TTN: variants seen among roughly 807,000 people sequenced by gnomAD.
TTN encodes connectin.
Under a neutral mutation model 3,223.0 loss-of-function variants are expected in TTN, and 1,525 were observed. The ratio of observed to expected loss-of-function variants is 0.47; its 90% CI spans 0.45 to 0.49. The LOEUF (loss-of-function observed/expected upper bound fraction) is 0.49. Ranked by LOEUF, TTN falls within the 20% of genes least tolerant of loss-of-function variation. The pLI is 0.00. For missense variants in TTN, 40,786 were observed against 43,424.0 expected (o/e 0.94, Z 5.40); for synonymous variants, 14,094 against 15,161.0 (o/e 0.93, Z 5.17).
At chr2:178,710,976 G>C in intron 97 of TTN, 54 bp from the exon 98 acceptor site, 4 of 1,557,492 alleles carry the variant, frequency 2.6e-6, no homozygotes, top group Admixed American at 2.0e-5. Context: ...GACCATGTCA[G>C]TTTACTGAAA....
Position 178,568,071 on chromosome 2 carries a change from G to T in TTN, c.78061C>A (p.Pro26021Thr). The T allele has an allele frequency of 6.2e-7, 1 of 1,613,268 alleles. No individual in the cohort carries two copies. The highest frequency in any genetic ancestry group is 8.5e-7 in the Non-Finnish European group (1 of 1,179,564). Residue 26021 changes from proline to threonine, a missense_variant, in exon 326 of 363, where the codon CCC becomes ACC. Physicochemically the swap from Pro to Thr is conservative, Grantham distance 38. Transcript: ENST00000589042. ...CTCTCCAGGTGGTAACCTATGACGGGGCTTCCACCATTGTTGACTGGTTCA... is the reference window on the plus strand; with the variant it reads ...CTCTCCAGGTGGTAACCTATGACGGTGCTTCCACCATTGTTGACTGGTTCA... ...WHEPVNNGGS[P>T]VIGYHLERKE... is the part of the protein sequence containing the mutation.
In TTN at chr2:178,620,251, A is replaced by AATT. The variant is rs2058067928; in HGVS notation, c.46269_46270insAAT (p.Trp15423_Tyr15424insAsn). ...TCTTTGATTTCTCTCCCATTTCTGT[A>AATT]CCATTTTACATTGGCTTTCTCTCTG... is the stretch of plus-strand genomic sequence containing the variant. On this transcript the variant is annotated inframe_insertion, in exon 248 of 363. Transcript: ENST00000589042. 1 of 1,540,186 alleles carries AATT rather than the reference A, an allele frequency of 6.5e-7. No homozygotes were observed. The highest frequency in any genetic ancestry group is 8.7e-7 in the Non-Finnish European group (1 of 1,147,586).
Position 178,774,513 on chromosome 2 carries a change from G to A in TTN, c.6791-40C>T, listed in dbSNP as rs770694473. 2.2e-5 allele frequency: 35 copies of A among 1,595,248 alleles called. No homozygotes were observed. In the East Asian group the frequency reaches 7.4e-4, roughly 34 times the overall value. On this transcript the variant is annotated intron_variant, in intron 29 of 362. Transcript: ENST00000589042. ...AGAAAGATAAATCAATTTTTTTGGAGAGGTATGCATCTAGACTTAGGATAG... is the reference window on the plus strand; with the variant it reads ...AGAAAGATAAATCAATTTTTTTGGAAAGGTATGCATCTAGACTTAGGATAG...
At position 178,591,328 on chromosome 2, in the gene TTN, A is replaced by G. The variant is rs769272954; in HGVS notation, c.60397T>C (p.Ser20133Pro). The change falls in exon 304 of 363, where the codon TCA becomes CCA. Residue 20133 changes from serine (S) to proline (P), a missense_variant. By Grantham distance (74) the Ser-to-Pro change is moderately conservative (BLOSUM62 -1). Coordinates refer to ENST00000589042, the MANE Select transcript of TTN (RefSeq NM_001267550.2). ...EHYTVETDNF[S>P]SVLTIKNCLR... Reference sequence around the variant, plus strand: ...CAGTTCTTAATGGTAAGTACTGATGAGAAGTTGTCTGTTTCAACTGTGTAG... The same window carrying G: ...CAGTTCTTAATGGTAAGTACTGATGGGAAGTTGTCTGTTTCAACTGTGTAG... 1 of 1,613,338 alleles carries G rather than the reference A, an allele frequency of 6.2e-7. No individual in the cohort carries two copies. Among genetic ancestry groups the G allele is most frequent in the African/African-American group, 1.3e-5 (1 of 75,006 alleles).
intron 110 of TTN, 107 bp from the exon 111 acceptor site, chr2:178,701,310 A>G: frequency 8.9e-7 from 1 of 1,125,124 alleles, no homozygotes; most frequent in Non-Finnish European, 1.3e-6. Flanking sequence ...GTATTATAGT[A>G]CGAATTCATC....
chr2:178,619,888 C>G lies in TTN; in HGVS notation c.46430-1G>C. ...GGCCTGATGATCTCAACAGGAATTT[C>G]TGGAAAGAAAATGTGAAATAAATAC... On this transcript the variant is annotated splice_acceptor_variant, in intron 249 of 362. Coordinates refer to ENST00000589042, the MANE Select transcript of TTN (RefSeq NM_001267550.2). LOFTEE classifies it high-confidence loss of function. 2 of 1,605,124 alleles carry G rather than the reference C, an allele frequency of 1.2e-6. No individual in the cohort carries two copies. The highest frequency in any genetic ancestry group is 1.7e-6 in the Non-Finnish European group (2 of 1,177,340).
chr2:178,577,603 G>A lies in TTN; in HGVS notation c.68823C>T (p.Tyr22941=), dbSNP rs200717463. 148 of 1,602,660 alleles carry A rather than the reference G, an allele frequency of 9.2e-5. No individual in the cohort carries two copies. Among genetic ancestry groups the A allele is most frequent in the Admixed American group, 3.1e-4 (18 of 58,786 alleles). ...ACATAAAAAGTAAAATGGACCTACC[G>A]TATTCATCCTTGCAAATAATGGTTT... ...STETIICKDE[Y]EAPTIVLDPT... The change falls in exon 323 of 363, where the codon TAC becomes TAT. Residue 22941 remains tyrosine (Y), a splice_region_variant and synonymous_variant. Transcript: ENST00000589042.
rs748522098 is a variant in TTN, at chr2:178,582,604, A to C, written c.65864-12T>G. ...AGGACCCGGTTTATCTGAAGGAATA[A>C]GGAAGAAGAGTGAATATGTGGAATG... On this transcript the variant is annotated splice_polypyrimidine_tract_variant and intron_variant, in intron 313 of 362. Coordinates refer to ENST00000589042, the MANE Select transcript of TTN (RefSeq NM_001267550.2). The C allele has an allele frequency of 6.3e-7, 1 of 1,590,176 alleles. No homozygotes were observed. The highest frequency in any genetic ancestry group is 8.6e-7 in the Non-Finnish European group (1 of 1,167,016).
At chr2:178,778,413 AAACAAAAC>A in intron 24 of TTN, 1 of 248,664 alleles carries the variant, frequency 4.0e-6, no homozygotes, top group Non-Finnish European at 7.8e-6. Flanking sequence ...ATGAATTTGG[AAACAAAAC>A]AAAGCAAAAC....
At position 178,735,662 on chromosome 2, in the gene TTN, G is replaced by A. The variant is rs373875040; in HGVS notation, c.14784C>T (p.Leu4928=). The change falls in exon 50 of 363, where the codon CTC becomes CTT. Residue 4928 remains leucine, a synonymous_variant. Coordinates refer to ENST00000589042, the MANE Select transcript of TTN (RefSeq NM_001267550.2). The part of the protein sequence containing the change: ...TVTWSKDGQK[L]PPGKDYKICF... ...AGATCTTATAATCTTTCCCTGGGGG[G>A]AGTTTTTGCCCATCTTTGCTCCACG... is the stretch of plus-strand genomic sequence containing the variant. 16 of 1,613,632 alleles carry A rather than the reference G, an allele frequency of 9.9e-6. No homozygotes were observed. The highest frequency in any genetic ancestry group is 5.5e-5 in the South Asian group (5 of 91,074).
In TTN at chr2:178,586,617, GACA is replaced by G. The variant is rs771971760; in HGVS notation, c.64281_64283del (p.Val21428del). On this transcript the variant is annotated inframe_deletion, in exon 308 of 363. Transcript: ENST00000589042. ...ATTTCTTTCCTTCCTTTAGGCCAGT[GACA>G]ACAAGGCTCAGATCTTTTACCACTG... is the stretch of plus-strand genomic sequence containing the variant. 1.2e-5 allele frequency: 19 copies of G among 1,613,052 alleles called. No individual in the cohort carries two copies. In the South Asian group the frequency reaches 1.6e-4, roughly 14 times the overall value.
chr2:178,569,964 G>T lies in TTN; in HGVS notation c.76168C>A (p.Pro25390Thr). The T allele has an allele frequency of 1.9e-6, 3 of 1,612,136 alleles. No homozygotes were observed. The highest frequency in any genetic ancestry group is 2.5e-6 in the Non-Finnish European group (3 of 1,178,828). The change falls in exon 326 of 363, where the codon CCA becomes ACA. Residue 25390 changes from proline (P) to threonine (T), a missense_variant. By Grantham distance (38) the Pro-to-Thr change is conservative. Coordinates refer to ENST00000589042, the MANE Select transcript of TTN (RefSeq NM_001267550.2). ...TTTTGGTAAGCAGAAGGAGGGCTTG[G>T]TTCACTAAGTCCAGCAGCATTCTCA... Reference protein sequence around the residue: ...SAENAAGLSEPSPPSAYQKAC... With the variant: ...SAENAAGLSETSPPSAYQKAC...
rs746181929 is a variant in TTN, at chr2:178,539,507, G to A, written c.98558C>T (p.Thr32853Ile). 3.7e-6 allele frequency: 6 copies of A among 1,613,754 alleles called. No homozygotes were observed. Among genetic ancestry groups the A allele is most frequent in the South Asian group, 1.1e-5 (1 of 91,076 alleles). ...WYTIDSRVRG[T>I]SLVVKGLKEN... is the part of the protein sequence containing the mutation. ...TTTGAGGCCTTTTACCACCAGAGAT[G>A]TACCTCGGACTCTGGAATCAATGGT... Residue 32853 changes from threonine (T) to isoleucine (I), a missense_variant, in exon 352 of 363, where the codon ACA becomes ATA. Physicochemically the swap from Thr to Ile is moderately conservative, Grantham distance 89. Coordinates refer to ENST00000589042, the MANE Select transcript of TTN (RefSeq NM_001267550.2).
At position 178,544,353 on chromosome 2, in the gene TTN, A is replaced by T. The variant is rs761732372; in HGVS notation, c.95876T>A (p.Val31959Glu). ...ATTTCTTATTGTGGCATTGGTATGC[A>T]CTCGGTACCACTGATCAGTGTCCTT... ...QEKDTDQWYRVHTNATIRNTE... is the reference protein window; with the variant it reads ...QEKDTDQWYREHTNATIRNTE... The change falls in exon 345 of 363, where the codon GTG becomes GAG. Residue 31959 changes from valine to glutamate, a missense_variant. By Grantham distance (121) the Val-to-Glu change is moderately radical. Coordinates refer to ENST00000589042, the MANE Select transcript of TTN (RefSeq NM_001267550.2). The T allele has an allele frequency of 4.3e-6, 7 of 1,613,594 alleles. No individual in the cohort carries two copies. In the African/African-American group the frequency reaches 8.0e-5, roughly 18 times the overall value.
Position 178,784,216 on chromosome 2 carries a change from G to A in TTN, c.2629C>T (p.Pro877Ser), listed in dbSNP as rs751640052. The A allele has an allele frequency of 6.2e-7, 1 of 1,614,176 alleles. No homozygotes were observed. The highest frequency in any genetic ancestry group is 8.5e-7 in the Non-Finnish European group (1 of 1,180,012). ...SETRVRAEPT[P>S]LPQFPFADTP... ...TCAGCGAAGGGGAACTGTGGCAAGGGTGTGGGCTCTGCCCTTACTCTAGTC... is the reference window on the plus strand; with the variant it reads ...TCAGCGAAGGGGAACTGTGGCAAGGATGTGGGCTCTGCCCTTACTCTAGTC... Residue 877 changes from proline (P) to serine (S), a missense_variant, in exon 16 of 363, where the codon CCC (proline) becomes TCC (serine). By Grantham distance (74) the Pro-to-Ser change is moderately conservative. Transcript: ENST00000589042.
rs186234393 is a variant in TTN at position 178,548,927 on chromosome 2, T to C, written c.92699A>G (p.Asn30900Ser). The change falls in exon 339 of 363, where the codon AAT becomes AGT. Residue 30900 changes from asparagine (N) to serine (S), a missense_variant. Transcript: ENST00000589042. This position sits in a 1 kb window ranked among gnomAD's most constrained non-coding sequence, Gnocchi z 4.3. ...ACAGCTGTCGCCTTTTCCAGCACCA[T>C]TGATAGCACTAACTCGGAATTTGTA... ...EEYKFRVSAI[N>S]GAGKGDSCEV... 9.7e-5 allele frequency: 157 copies of C among 1,613,922 alleles called. No homozygotes were observed. The East Asian group carries it at 2.2e-3, about 23-fold the overall frequency.
chr2:178,608,013 G>T lies in TTN; in HGVS notation c.52774C>A (p.Pro17592Thr), dbSNP rs541127460. 19 of 1,612,850 alleles carry T rather than the reference G, an allele frequency of 1.2e-5. 1 individual carries two copies. The South Asian group carries it at 2.0e-4, about 17-fold the overall frequency. The change falls in exon 276 of 363, where the codon CCC becomes ACC. Residue 17592 changes from proline to threonine, a missense_variant. By Grantham distance (38) the Pro-to-Thr change is conservative (BLOSUM62 -1). Coordinates refer to ENST00000589042, the MANE Select transcript of TTN (RefSeq NM_001267550.2). Reference sequence around the variant, plus strand: ...TCCCCACCACCATTGAAAGCTGGGGGTTCCCATTCTAGTTCAATAGTTGTA... The same window carrying T: ...TCCCCACCACCATTGAAAGCTGGGGTTTCCCATTCTAGTTCAATAGTTGTA... Reference protein sequence around the residue: ...SSTTIELEWEPPAFNGGGEIV... With the variant: ...SSTTIELEWETPAFNGGGEIV...
Position 178,558,174 on chromosome 2 carries a change from T to G in TTN, c.87180A>C (p.Ser29060=). Reference sequence around the variant, plus strand: ...AGATTGGAATGTCAACTTTAAGGTTTGAACCAGCTCTAACATATACAGTGT... The same window carrying G: ...AGATTGGAATGTCAACTTTAAGGTTGGAACCAGCTCTAACATATACAGTGT... ...PSHTVYVRAG[S]NLKVDIPISG... Residue 29060 remains serine, a synonymous_variant, in exon 328 of 363, where the codon TCA becomes TCC. Coordinates refer to ENST00000589042, the MANE Select transcript of TTN (RefSeq NM_001267550.2). 6.2e-7 allele frequency: 1 copy of G among 1,613,814 alleles called. No individual in the cohort carries two copies. The highest frequency in any genetic ancestry group is 8.5e-7 in the Non-Finnish European group (1 of 1,179,834).
At chr2:178,664,401 G>C (rs769421183) in intron 168 of TTN, 59 bp downstream of exon 168, 329 of 1,322,322 alleles carry the variant, frequency 2.5e-4, no homozygotes, top group Non-Finnish European at 3.2e-4. Context: ...AACTAGAAAG[G>C]TGGTCCTTTC....
Sources: allele counts gnomAD v4.1 joint callset, GRCh38; gene constraint gnomAD v4.1.1; non-coding constraint Gnocchi (gnomAD v3.1); transcripts MANE v1.5; gene names NCBI Gene and HGNC (gene_info 2026-07-23, HGNC 2026-07-21).